The following THSD7B variants were observed in gnomAD, a reference collection of about 807,000 sequenced individuals.
THSD7B encodes the protein thrombospondin type-1 domain-containing protein 7B.
A neutral mutation model predicts 213.6 loss-of-function variants in THSD7B; 138 were observed. The ratio of observed to expected loss-of-function variants is 0.65; its 90% CI spans 0.56 to 0.74. The LOEUF is 0.74. Ranked by LOEUF, THSD7B falls within the 30% of genes least tolerant of loss-of-function variation. THSD7B has a pLI of 0.00. For missense variants in THSD7B, 1,931 were observed against 1,991.5 expected (o/e 0.97, Z 0.58); for synonymous variants, 742 against 687.0 (o/e 1.08, Z -1.25).
intron 1 of THSD7B, among the ~76,000 whole-genome samples, chr2:136,802,643 A>ATG (rs1325428662): frequency 8.9e-4 from 59 of 66,112 alleles, no homozygotes; most frequent in East Asian, 3.8e-3. Flanking sequence ...TTAAGTTTAT[A>ATG]TATATATATA....
At chr2:137,626,116 C>G (rs1156671117) in intron 20 of THSD7B, among the ~76,000 whole-genome samples, 1 of 152,166 alleles carries the variant, frequency 6.6e-6, no homozygotes, top group African/African-American at 2.4e-5. Flanking sequence ...CCATTCTTTC[C>G]TTCTAGACTT....
chr2:137,182,430 T>C (rs189124352), intron 7 of THSD7B, among the ~76,000 whole-genome samples: 4 of 151,670 alleles, frequency 2.6e-5, no homozygotes, highest in Non-Finnish European at 1.5e-5. Flanking sequence ...GCTGTGATAG[T>C]GTATGAAGCT....
intron 10 of THSD7B, among the ~76,000 whole-genome samples, chr2:137,266,022 A>C (rs780549351): frequency 1.3e-5 from 2 of 152,210 alleles, no homozygotes; most frequent in African/African-American, 4.8e-5. Context: ...CTGCTCCTAG[A>C]TGTACAAAAC....
chr2:137,147,851 C>T (rs1006112855), intron 5 of THSD7B, among the ~76,000 whole-genome samples: 11 of 152,156 alleles, frequency 7.2e-5, no homozygotes, highest in African/African-American at 2.7e-4. Flanking sequence ...ATTCGTATCT[C>T]AACCATGCTT....
intron 15 of THSD7B, among the ~76,000 whole-genome samples, chr2:137,457,495 T>C (rs1223338732): frequency 6.6e-6 from 1 of 152,204 alleles, no homozygotes; most frequent in Non-Finnish European, 1.5e-5. Context: ...TCTTTCACTG[T>C]CCTCCCACAT....
At chr2:137,288,677 G>T (rs746823564) in intron 12 of THSD7B, among the ~76,000 whole-genome samples, 1 of 151,760 alleles carries the variant, frequency 6.6e-6, no homozygotes, top group African/African-American at 2.4e-5. Flanking sequence ...ATGAGAATAG[G>T]ATAATATTGA....
intron 12 of THSD7B, among the ~76,000 whole-genome samples, chr2:137,290,110 C>CTTTTTT (rs1244519702): frequency 1.5e-5 from 2 of 130,824 alleles, no homozygotes; most frequent in African/African-American, 2.8e-5. Context: ...AAAGAGTTTT[C>CTTTTTT]TTTTTTTTTT....
At chr2:136,999,211 A>G (rs983369349) in intron 2 of THSD7B, among the ~76,000 whole-genome samples, 2 of 152,126 alleles carry the variant, frequency 1.3e-5, no homozygotes, top group African/African-American at 4.8e-5. Flanking sequence ...ATCTTACCCT[A>G]CTTTTCTGGC....
chr2:137,140,894 T>A lies in THSD7B; in HGVS notation c.1370-19319T>A, dbSNP rs569161860. On this transcript the variant is annotated intron_variant, in intron 5 of 27. Transcript: ENST00000409968. Reference sequence around the variant, plus strand: ...TAGAGAGTAAATAATAATAAACGAATGAGTAAGAGTGGGTACTGCTTCAAA... The same window carrying A: ...TAGAGAGTAAATAATAATAAACGAAAGAGTAAGAGTGGGTACTGCTTCAAA... Among the ~76,000 whole-genome samples the A allele has an allele frequency of 2.0e-5, 3 of 152,270 alleles. No individual in the cohort carries two copies. The South Asian group carries it at 6.2e-4, about 32-fold the overall frequency.
rs70978212 is a variant in THSD7B at position 137,318,786 on chromosome 2, C to CTTTTTTTTTTTTTTTTTTTTTTTTTTTTT, written c.2500+42785_2500+42786insTTTTTTTTTTTTTTTTTTTTTTTTTTTTT. Among the ~76,000 whole-genome samples, 4 of 73,660 alleles carry CTTTTTTTTTTTTTTTTTTTTTTTTTTTTT rather than the reference C, an allele frequency of 5.4e-5. 1 individual carries two copies. Among genetic ancestry groups the CTTTTTTTTTTTTTTTTTTTTTTTTTTTTT allele is most frequent in the Non-Finnish European group, 6.7e-5 (3 of 44,818 alleles). 48.3% of individuals were successfully genotyped at this position (73,660 alleles called of 152,430 possible). On this transcript the variant is annotated intron_variant, in intron 12 of 27. Transcript: ENST00000409968. ...CCAACTCTAAAATAGGAATGCTTAT[C>CTTTTTTTTTTTTTTTTTTTTTTTTTTTTT]TTTTTTTTTTTTTTTTTTTTTTTTT...
intron 7 of THSD7B, among the ~76,000 whole-genome samples, chr2:137,202,072 C>T (rs1410388460): frequency 1.3e-5 from 2 of 152,110 alleles, no homozygotes; most frequent in Non-Finnish European, 2.9e-5. Context: ...TGTGTAATTT[C>T]ACATTCAGAA....
At chr2:137,012,295 C>A (rs1261295534) in intron 2 of THSD7B, among the ~76,000 whole-genome samples, 4 of 152,106 alleles carry the variant, frequency 2.6e-5, no homozygotes, top group African/African-American at 9.7e-5. Context: ...GGGAGTCTGA[C>A]CACTTTAAAA....
At chr2:137,496,086 G>A (rs1679558506) in intron 15 of THSD7B, among the ~76,000 whole-genome samples, 1 of 152,126 alleles carries the variant, frequency 6.6e-6, no homozygotes, top group Non-Finnish European at 1.5e-5. Flanking sequence ...AAATTTAAGA[G>A]AGAAAATTTT....
At chr2:137,314,953 T>C (rs1319677244) in intron 12 of THSD7B, among the ~76,000 whole-genome samples, 1 of 152,210 alleles carries the variant, frequency 6.6e-6, no homozygotes, top group Non-Finnish European at 1.5e-5. Context: ...GTTACTGTTG[T>C]CTTTTTGTTT....
chr2:137,007,501 A>G (rs1686139809), intron 2 of THSD7B, among the ~76,000 whole-genome samples: 2 of 152,184 alleles, frequency 1.3e-5, no homozygotes, highest in Non-Finnish European at 2.9e-5. Context: ...ATGTATTTTC[A>G]TATCAGAGAA....
chr2:137,454,662 A>T (rs897367125), intron 15 of THSD7B, among the ~76,000 whole-genome samples: 1 of 152,164 alleles, frequency 6.6e-6, no homozygotes, highest in Non-Finnish European at 1.5e-5. Context: ...CATGTTTAAA[A>T]AATATTCCCC....
chr2:137,432,676 C>A (rs114389936), intron 14 of THSD7B, among the ~76,000 whole-genome samples: 1 of 152,154 alleles, frequency 6.6e-6, no homozygotes, highest in African/African-American at 2.4e-5. Flanking sequence ...ACCATGTGGA[C>A]TTCCTCTCAC....
At chr2:137,031,691 T>C (rs143747135) in intron 2 of THSD7B, among the ~76,000 whole-genome samples, 72 of 34,778 alleles carry the variant, frequency 2.1e-3, no homozygotes, top group African/African-American at 2.8e-3. Context: ...ATTTGACAAA[T>C]AAAATAATAA....
In THSD7B at chr2:137,153,730, C is replaced by T. The variant is rs566628716; in HGVS notation, c.1370-6483C>T. Among the ~76,000 whole-genome samples the T allele has an allele frequency of 3.3e-5, 5 of 152,270 alleles. No individual in the cohort carries two copies. The South Asian group carries it at 1.0e-3, about 32-fold the overall frequency. ...CCTTCCACCATTTGACTCCTTCAGT[C>T]TGTAGAAGAGGCCTATTTATTTTAG... On this transcript the variant is annotated intron_variant, in intron 5 of 27. Coordinates refer to ENST00000409968, the MANE Select transcript of THSD7B (RefSeq NM_001316349.2).
Sources: gnomAD v4.1 joint callset for allele counts (sites outside exome capture counted in the v4.1 genomes callset) on GRCh38, gnomAD v4.1.1 for gene constraint, MANE v1.5 for transcripts, NCBI Gene and HGNC (gene_info 2026-07-23, HGNC 2026-07-21) for gene names.